The following MEI1 variants were observed in gnomAD, a reference collection of about 807,000 sequenced individuals.
The protein encoded by MEI1 is meiotic double-stranded break formation protein 1.
Under a neutral mutation model 146.2 loss-of-function variants are expected in MEI1, and 103 were observed. The observed-to-expected ratio is 0.70, with a 90% CI of 0.60 to 0.83. MEI1 has a LOEUF of 0.83. Ranked by LOEUF, MEI1 falls within the 40% of genes least tolerant of loss-of-function variation. The pLI, the probability that MEI1 is intolerant of heterozygous loss-of-function variation, is 0.00. For synonymous variants in MEI1, 652 were observed against 628.2 expected (o/e 1.04, Z -0.57); for missense variants, 1,529 against 1,533.0 (o/e 1.00, Z 0.04).
chr22:41,714,172 G>A, intron 4 of MEI1, 97 bp downstream of exon 4: 2 of 1,223,366 alleles, frequency 1.6e-6, no homozygotes, highest in South Asian at 1.3e-5. Flanking sequence ...AGTCCAGGGA[G>A]GAAAAGGAGC....
chr22:41,767,068 T>C (rs986567901), intron 19 of MEI1, among the ~76,000 whole-genome samples: 3 of 152,090 alleles, frequency 2.0e-5, no homozygotes, highest in African/African-American at 7.2e-5. Context: ...TGGTGAGCAA[T>C]GGGACTGCCT....
At chr22:41,788,347 G>A (rs1383015379) in intron 26 of MEI1, among the ~76,000 whole-genome samples, 2 of 151,934 alleles carry the variant, frequency 1.3e-5, no homozygotes, top group Admixed American at 1.3e-4. Flanking sequence ...CTGCACAGGA[G>A]AGGTAGCATT....
intron 9 of MEI1, 93 bp from the exon 10 acceptor site, chr22:41,732,152 C>A: frequency 1.0e-6 from 1 of 978,186 alleles, no homozygotes; most frequent in Non-Finnish European, 1.5e-6. Context: ...CCAACTCATA[C>A]ATGCTGTCCA....
At chr22:41,722,566 T>TTC (rs578047298) in intron 6 of MEI1, among the ~76,000 whole-genome samples, 2 of 150,910 alleles carry the variant, frequency 1.3e-5, no homozygotes, top group Non-Finnish European at 2.9e-5. Context: ...CATCTCTCAC[T>TTC]TCTCTATCTG....
chr22:41,751,758 G>A (rs1476207780), intron 15 of MEI1, among the ~76,000 whole-genome samples: 28 of 135,408 alleles, frequency 2.1e-4, no homozygotes, highest in Admixed American at 1.9e-3. Context: ...GGCAACAAGC[G>A]TGAAACTCCA....
intron 19 of MEI1, among the ~76,000 whole-genome samples, chr22:41,764,195 C>T (rs1279112813): frequency 6.6e-6 from 1 of 152,134 alleles, no homozygotes; most frequent in African/African-American, 2.4e-5. Context: ...CTCCTGACCT[C>T]GTGATCTGCC....
rs554541069 is a variant in MEI1, at chr22:41,762,549, G to GTTTTT, written c.2121-625_2121-624insTTTTT. On this transcript the variant is annotated intron_variant, in intron 18 of 30. Coordinates refer to ENST00000401548, the MANE Select transcript of MEI1 (RefSeq NM_152513.4). Reference sequence around the variant, plus strand: ...GTCTACACAACCAGCTAATTTAACTGATTTTTTTTTTTTTTTTTGTAGAGA... The same window carrying GTTTTT: ...GTCTACACAACCAGCTAATTTAACTGTTTTTATTTTTTTTTTTTTTTTTGTAGAGA... Among the ~76,000 whole-genome samples, 21 of 128,798 alleles carry GTTTTT rather than the reference G, an allele frequency of 1.6e-4. 6 individuals are homozygous for GTTTTT. The highest frequency in any genetic ancestry group is 2.0e-4 in the Non-Finnish European group (12 of 60,834). The allele number at this position is 128,798 out of a possible 152,430, so 84.5% of individuals were successfully genotyped here. A position where few individuals can be genotyped will look rare whatever the true frequency, so the allele number is the denominator to read the frequency against.
intron 6 of MEI1, among the ~76,000 whole-genome samples, chr22:41,721,330 C>T (rs545945394): frequency 2.6e-4 from 39 of 150,230 alleles, no homozygotes; most frequent in African/African-American, 8.4e-4. Flanking sequence ...CTGCAACCTC[C>T]GCCTCCCAGG....
intron 19 of MEI1, among the ~76,000 whole-genome samples, chr22:41,769,685 T>G (rs919612430): frequency 6.6e-6 from 1 of 151,212 alleles, no homozygotes; most frequent in African/African-American, 2.4e-5. Flanking sequence ...TTGGCCAGGC[T>G]GGTCTCAAAC....
At chr22:41,758,120 AC>A (rs2074216458) in intron 17 of MEI1, among the ~76,000 whole-genome samples, 1 of 152,058 alleles carries the variant, frequency 6.6e-6, no homozygotes, top group Non-Finnish European at 1.5e-5. Context: ...GAAAAACAAA[AC>A]AAAAAAGGAA....
At chr22:41,740,725 G>A (rs1278126061) in intron 11 of MEI1, among the ~76,000 whole-genome samples, 1 of 149,232 alleles carries the variant, frequency 6.7e-6, no homozygotes, top group Non-Finnish European at 1.5e-5. Flanking sequence ...GCGAGACCCT[G>A]TCTCAAAAAC....
intron 6 of MEI1, 62 bp downstream of exon 6, chr22:41,718,336 G>A (rs1453143302): frequency 3.3e-6 from 5 of 1,512,776 alleles, no homozygotes; most frequent in Non-Finnish European, 4.5e-6. Flanking sequence ...TAGAAGACTT[G>A]AGATATTGGG....
In MEI1 at chr22:41,748,113, T is replaced by C. The variant is rs2073470196; in HGVS notation, c.1687T>C (p.Leu563=). ...CTCTCCTGGTTCTTTGCAGAGACAC[T>C]TGGAGCAGACCACCCACCCAGCTTT... ...SLCIPMVMRH[L]EQTTHPALME... The change falls in exon 15 of 31, where the codon TTG becomes CTG. Residue 563 remains leucine (L), a synonymous_variant. Coordinates refer to ENST00000401548, the MANE Select transcript of MEI1 (RefSeq NM_152513.4). 6 of 1,613,002 alleles carry C rather than the reference T, an allele frequency of 3.7e-6. No homozygotes were observed. The highest frequency in any genetic ancestry group is 5.1e-6 in the Non-Finnish European group (6 of 1,179,148).
chr22:41,720,551 C>A (rs2070675193), intron 6 of MEI1, among the ~76,000 whole-genome samples: 1 of 151,574 alleles, frequency 6.6e-6, no homozygotes, highest in African/African-American at 2.4e-5. Context: ...CCACCTCAGC[C>A]TACCGAGTAG....
intron 22 of MEI1, among the ~76,000 whole-genome samples, chr22:41,781,072 T>C (rs2075735575): frequency 1.3e-5 from 2 of 152,226 alleles, no homozygotes. Flanking sequence ...TGTGCAGCTG[T>C]AGGCTGCTTG....
Position 41,799,321 on chromosome 22 carries a change from G to A in MEI1, c.*22G>A. On this transcript the variant is annotated 3_prime_UTR_variant, in exon 31 of 31. Coordinates refer to ENST00000401548, the MANE Select transcript of MEI1 (RefSeq NM_152513.4). ...CTGATCCTCAGGACTTGAAGGCCCA[G>A]AAGTGGAGAGAGAATGAGACCTGGA... 6.2e-7 allele frequency: 1 copy of A among 1,612,304 alleles called. No homozygotes were observed. The highest frequency in any genetic ancestry group is 1.1e-5 in the South Asian group (1 of 91,042).
chr22:41,742,556 A>G (rs761288410), intron 11 of MEI1, among the ~76,000 whole-genome samples: 2 of 152,224 alleles, frequency 1.3e-5, no homozygotes, highest in African/African-American at 2.4e-5. Context: ...TAATAAGTCT[A>G]TGAGGAGAGT....
chr22:41,712,975 A>G (rs895281324), intron 3 of MEI1, among the ~76,000 whole-genome samples: 1 of 151,392 alleles, frequency 6.6e-6, no homozygotes, highest in Admixed American at 6.6e-5. Context: ...TACCTGGCTA[A>G]TTTTTTTGTA....
At chr22:41,738,339 A>G (rs935971391) in intron 11 of MEI1, among the ~76,000 whole-genome samples, 1 of 152,218 alleles carries the variant, frequency 6.6e-6, no homozygotes, top group Non-Finnish European at 1.5e-5. Flanking sequence ...CTGTAATCCC[A>G]GCACTTTGGG....
Sources: gnomAD v4.1 joint callset for allele counts (sites outside exome capture counted in the v4.1 genomes callset) on GRCh38, gnomAD v4.1.1 for gene constraint, MANE v1.5 for transcripts, NCBI Gene and HGNC (gene_info 2026-07-23, HGNC 2026-07-21) for gene names.